The following CARMIL3 variants were observed in gnomAD, a reference collection of about 807,000 sequenced individuals.
The protein encoded by CARMIL3 is capping protein, Arp2/3 and myosin-I linker protein 3.
In CARMIL3, 88 loss-of-function variants were observed where a neutral mutation model predicts 180.8. The observed-to-expected ratio is 0.49, with a 90% CI of 0.41 to 0.58. The LOEUF (loss-of-function observed/expected upper bound fraction) is 0.58, where lower values mean the gene tolerates loss of function less well. Ranked by LOEUF, CARMIL3 falls within the 20% of genes least tolerant of loss-of-function variation. The pLI is 0.00. For missense variants in CARMIL3, 1,548 were observed against 1,787.0 expected (o/e 0.87, Z 2.41); for synonymous variants, 696 against 714.5 (o/e 0.97, Z 0.41).
At chr14:24,064,736 G>T (rs376314847) in intron 32 of CARMIL3, among the ~76,000 whole-genome samples, 2 of 152,182 alleles carry the variant, frequency 1.3e-5, no homozygotes, top group African/African-American at 4.8e-5. Flanking sequence ...GAAGCTGAGA[G>T]GAGTTGCAGG....
intron 35 of CARMIL3, 47 bp from the exon 36 acceptor site, chr14:24,066,520 A>T (rs763100681): frequency 6.2e-7 from 1 of 1,612,578 alleles, no homozygotes; most frequent in African/African-American, 1.3e-5. Context: ...GGTCAAATTT[A>T]CCTTTTCCCT....
At position 24,059,946 on chromosome 14, in the gene CARMIL3, C is replaced by G. The variant is rs772723961; in HGVS notation, c.1869-24C>G. The G allele has an allele frequency of 6.2e-7, 1 of 1,612,198 alleles. No individual in the cohort carries two copies. Among genetic ancestry groups the G allele is most frequent in the African/African-American group, 1.3e-5 (1 of 74,926 alleles). ...CCTCCCATCCTCACCTGTTCCCACC[C>G]AGCTGTGCCCCTGTGTCCCACAGCA... On this transcript the variant is annotated intron_variant, in intron 22 of 39. Transcript: ENST00000342740. This position sits in a 1 kb window ranked among gnomAD's most constrained non-coding sequence, Gnocchi z 6.3.
At chr14:24,067,194 A>G (rs1416823165) in intron 36 of CARMIL3, among the ~76,000 whole-genome samples, 1 of 152,230 alleles carries the variant, frequency 6.6e-6, no homozygotes, top group Admixed American at 6.5e-5. Flanking sequence ...CCGCGACCTT[A>G]AACAAGTCAT....
chr14:24,056,745 C>A (rs114670629), intron 12 of CARMIL3, 37 bp downstream of exon 12: 9 of 1,593,032 alleles, frequency 5.6e-6, no homozygotes, highest in Admixed American at 1.7e-5. Flanking sequence ...CTGACCCTAC[C>A]CTGGTGCTGC....
chr14:24,057,754 C>A (rs1179202927), intron 14 of CARMIL3, 49 bp from the exon 15 acceptor site: 2 of 1,527,112 alleles, frequency 1.3e-6, no homozygotes, highest in Non-Finnish European at 8.9e-7. Flanking sequence ...TCCTGCCACC[C>A]CCTACCCCCT....
In CARMIL3 at chr14:24,060,638, G is replaced by T. The variant is rs369723294; in HGVS notation, c.2072G>T (p.Arg691Leu). The T allele has an allele frequency of 1.2e-6, 2 of 1,613,764 alleles. No homozygotes were observed. The highest frequency in any genetic ancestry group is 3.3e-5 in the Admixed American group (2 of 59,982). Residue 691 changes from arginine to leucine, a missense_variant, in exon 25 of 40, where the codon CGG becomes CTG. By Grantham distance (102) the Arg-to-Leu change is moderately radical (BLOSUM62 -2). Around this residue, in one of 4 missense-constraint regions of CARMIL3, gnomAD observed 297 missense variants for 415.9 expected, o/e 0.71. Transcript: ENST00000342740. ...VTSSAEQMLQ[R>L]LCGRVQEEVR... ...GCCACTGTGCTCCAGATGCTGCAGCGGCTGTGTGGACGAGTGCAGGAGGAG... is the reference window on the plus strand; with the variant it reads ...GCCACTGTGCTCCAGATGCTGCAGCTGCTGTGTGGACGAGTGCAGGAGGAG...
At chr14:24,060,375 A>G in intron 24 of CARMIL3, 120 bp downstream of exon 24, 1 of 1,219,280 alleles carries the variant, frequency 8.2e-7, no homozygotes, top group Middle Eastern at 2.1e-4. Flanking sequence ...CACTGGACTG[A>G]GCATGTGGGG....
chr14:24,066,268 G>C, intron 34 of CARMIL3, 130 bp from the exon 35 acceptor site: 2 of 1,122,302 alleles, frequency 1.8e-6, no homozygotes. Flanking sequence ...CACTCTTTGG[G>C]AAACAGTTTT....
At chr14:24,065,532 G>C (rs1382441772) in intron 33 of CARMIL3, 90 bp from the exon 34 acceptor site, 8 of 1,513,466 alleles carry the variant, frequency 5.3e-6, no homozygotes, top group African/African-American at 1.4e-5. Flanking sequence ...TAGGGACTCA[G>C]TGAGGCAGGG....
At position 24,058,713 on chromosome 14, in the gene CARMIL3, C is replaced by A; in HGVS notation, c.1426C>A (p.Gln476Lys). ...AGCGGGAGCCCAAGCCTTGCAGGAG[C>A]AGCTGGGAGCTGTCACCTGTGTAGG... is the stretch of plus-strand genomic sequence containing the variant. ...RSAGAQALQE[Q>K]LGAVTCVGSL... The change falls in exon 18 of 40, where the codon CAG becomes AAG. Residue 476 changes from glutamine (Q) to lysine (K), a missense_variant. Physicochemically the swap from Gln to Lys is moderately conservative, Grantham distance 53. Transcript: ENST00000342740. This position sits in a 1 kb window ranked among gnomAD's most constrained non-coding sequence, Gnocchi z 6.4. The A allele has an allele frequency of 6.2e-7, 1 of 1,614,190 alleles. No homozygotes were observed. The highest frequency in any genetic ancestry group is 1.7e-4 in the Middle Eastern group (1 of 6,058).
chr14:24,055,279 A>T lies in CARMIL3; in HGVS notation c.574A>T (p.Asn192Tyr). 6.2e-7 allele frequency: 1 copy of T among 1,614,076 alleles called. No homozygotes were observed. Among genetic ancestry groups the T allele is most frequent in the Non-Finnish European group, 8.5e-7 (1 of 1,180,002 alleles). The change falls in exon 8 of 40, where the codon AAT (asparagine) becomes TAT (tyrosine). Residue 192 changes from asparagine (N) to tyrosine (Y), a missense_variant. Around this residue, in one of 4 missense-constraint regions of CARMIL3, gnomAD observed 578 missense variants for 666.5 expected, o/e 0.87. Coordinates refer to ENST00000342740, the MANE Select transcript of CARMIL3 (RefSeq NM_138360.4). ...CCATGCTGAAGATAACCGGGAGTTC[A>T]ATCTTTTGGATTTCAGCCACTTGGA... ...IYHAEDNREF[N>Y]LLDFSHLESR...
In CARMIL3 at chr14:24,054,199, A is replaced by G. The variant is rs1172432142; in HGVS notation, c.187-43A>G. ...TGCTCCCTACCTCCCAAGCCTGGCA[A>G]CCCAGGTCCTTACCAGGAGCTGAGC... On this transcript the variant is annotated intron_variant, in intron 3 of 39. Coordinates refer to ENST00000342740, the MANE Select transcript of CARMIL3 (RefSeq NM_138360.4). This position sits in a 1 kb window ranked among gnomAD's most constrained non-coding sequence, Gnocchi z 5.1. 6.2e-7 allele frequency: 1 copy of G among 1,614,104 alleles called. No homozygotes were observed. Among genetic ancestry groups the G allele is most frequent in the Admixed American group, 1.7e-5 (1 of 60,022 alleles).
intron 33 of CARMIL3, 105 bp from the exon 34 acceptor site, chr14:24,065,517 G>A (rs563770306): frequency 3.6e-5 from 54 of 1,483,432 alleles, no homozygotes; most frequent in African/African-American, 8.4e-5. Context: ...GGGCTTCCCC[G>A]TGGCTAGGGA....
At chr14:24,066,690 A>G in intron 36 of CARMIL3, 34 bp downstream of exon 36, 1 of 1,609,486 alleles carries the variant, frequency 6.2e-7, no homozygotes, top group South Asian at 1.1e-5. Flanking sequence ...AGCAGTACTG[A>G]AAGCCCAGGG....
rs2035736983 is a variant in CARMIL3 at position 24,061,902 on chromosome 14, C to T, written c.2480+230C>T. 1.9e-6 allele frequency: 1 copy of T among 532,096 alleles called. No homozygotes were observed. Among genetic ancestry groups the T allele is most frequent in the Non-Finnish European group, 3.3e-6 (1 of 300,238 alleles). The allele number at this position is 532,096 out of a possible 1,614,324, so 33.0% of individuals were successfully genotyped here. ...CCAAGTTTGTGCCCACACAGGTGTA[C>T]ACACACATACCCACACAAATACACC... On this transcript the variant is annotated intron_variant, in intron 27 of 39. Coordinates refer to ENST00000342740, the MANE Select transcript of CARMIL3 (RefSeq NM_138360.4). The surrounding 1 kb of genome is among the most constrained non-coding windows in gnomAD (Gnocchi z 4.1).
rs1312881835 is a variant in CARMIL3, at chr14:24,061,782, T to C, written c.2480+110T>C. The C allele has an allele frequency of 2.5e-6, 3 of 1,207,980 alleles. No individual in the cohort carries two copies. Among genetic ancestry groups the C allele is most frequent in the Non-Finnish European group, 3.4e-6 (3 of 870,036 alleles). The allele number at this position is 1,207,980 out of a possible 1,614,324, so 74.8% of individuals were successfully genotyped here. A position where few individuals can be genotyped will look rare whatever the true frequency, so the allele number is the denominator to read the frequency against. On this transcript the variant is annotated intron_variant, in intron 27 of 39. Transcript: ENST00000342740. The surrounding 1 kb of genome is among the most constrained non-coding windows in gnomAD (Gnocchi z 4.1). ...GAATAATGAATGGCACAATCTCCAT[T>C]ACAAGGATCAATCTTTAACCAAGTG...
At position 24,059,934 on chromosome 14, in the gene CARMIL3, CCTGTTCCCACCCAG is replaced by C; in HGVS notation, c.1869-31_1869-18del. 6.2e-7 allele frequency: 1 copy of C among 1,610,942 alleles called. No homozygotes were observed. Among genetic ancestry groups the C allele is most frequent in the Non-Finnish European group, 8.5e-7 (1 of 1,177,574 alleles). ...AGGAGGCAGGGGCCTCCCATCCTCA[CCTGTTCCCACCCAG>C]CTGTGCCCCTGTGTCCCACAGCAAC... On this transcript the variant is annotated intron_variant, in intron 22 of 39. Coordinates refer to ENST00000342740, the MANE Select transcript of CARMIL3 (RefSeq NM_138360.4). The surrounding 1 kb of genome is among the most constrained non-coding windows in gnomAD (Gnocchi z 6.3).
chr14:24,063,494 C>T lies in CARMIL3; in HGVS notation c.2940C>T (p.Arg980=), dbSNP rs764697513. ...GGCATCAAACACAAGGGAGGCCCCG[C>T]CCCCCCAGGACCACACCTCCAGGAC... ...KLRHQTQGRP[R]PPRTTPPGPG... The change falls in exon 31 of 40, where the codon CGC becomes CGT. Residue 980 remains arginine (R), a synonymous_variant. Transcript: ENST00000342740. The T allele has an allele frequency of 3.7e-6, 6 of 1,612,700 alleles. No individual in the cohort carries two copies. The highest frequency in any genetic ancestry group is 4.2e-6 in the Non-Finnish European group (5 of 1,179,796).
rs770394288 is a variant in CARMIL3 at position 24,062,741 on chromosome 14, A to G, written c.2601A>G (p.Ser867=). ...ACCTGACCCAGCTAAGGACGCTGTCAGATCCACCAGGGTGCCCAGGCCAAG... is the reference window on the plus strand; with the variant it reads ...ACCTGACCCAGCTAAGGACGCTGTCGGATCCACCAGGGTGCCCAGGCCAAG... ...ARHLTQLRTL[S]DPPGCPGQGQ... is the part of the protein sequence containing the mutation. The change falls in exon 29 of 40, where the codon TCA becomes TCG. Residue 867 remains serine, a synonymous_variant. Transcript: ENST00000342740. The G allele has an allele frequency of 4.8e-5, 77 of 1,612,732 alleles. No individual in the cohort carries two copies. The highest frequency in any genetic ancestry group is 6.0e-5 in the Non-Finnish European group (71 of 1,179,338).
Sources: gnomAD v4.1 joint callset for allele counts (sites outside exome capture counted in the v4.1 genomes callset) on GRCh38, gnomAD v4.1.1 for gene constraint, gnomAD v4.1.1 regional missense constraint, Gnocchi (gnomAD v3.1) non-coding constraint, MANE v1.5 for transcripts, NCBI Gene and HGNC (gene_info 2026-07-23, HGNC 2026-07-21) for gene names.